The following DYNC2H1 variants were observed in gnomAD, a reference collection of about 807,000 sequenced individuals.
DYNC2H1 encodes dynein cytoplasmic 2 heavy chain 1, also known as cytoplasmic dynein 2 heavy chain 1.
Under a neutral mutation model 570.0 loss-of-function variants are expected in DYNC2H1, and 410 were observed. That is an observed-to-expected ratio of 0.72 (90% CI 0.66 to 0.78). The LOEUF (loss-of-function observed/expected upper bound fraction) is 0.78. Among genes scored for constraint, DYNC2H1 ranks in the 30% least tolerant of loss-of-function variants. The pLI, the probability that DYNC2H1 is intolerant of heterozygous loss-of-function variation, is 0.00. For synonymous variants in DYNC2H1, 1,688 were observed against 1,677.6 expected, an observed-to-expected ratio of 1.01 and a Z score of -0.15; for missense variants, 4,865 against 5,046.4, an observed-to-expected ratio of 0.96 and a Z score of 1.09.
chr11:103,237,877 G>A (rs904428872), intron 63 of DYNC2H1, among the ~76,000 whole-genome samples: 1 of 151,970 alleles, frequency 6.6e-6, no homozygotes, highest in African/African-American at 2.4e-5. Flanking sequence ...ATTCTGAATT[G>A]TCTTTCATGA....
chr11:103,358,791 G>A (rs1940489554), intron 83 of DYNC2H1, among the ~76,000 whole-genome samples: 1 of 151,924 alleles, frequency 6.6e-6, no homozygotes, highest in Admixed American at 6.6e-5. Context: ...GTACAACCAT[G>A]TAGGTATTCA....
intron 84 of DYNC2H1, chr11:103,404,400 G>C (rs1164438216): frequency 6.6e-6 from 1 of 151,164 alleles, no homozygotes; most frequent in African/African-American, 2.4e-5. Flanking sequence ...TTGTTCAGTT[G>C]TTAGAACTTT....
chr11:103,317,918 A>G (rs925991905), intron 80 of DYNC2H1, among the ~76,000 whole-genome samples: 1 of 151,994 alleles, frequency 6.6e-6, no homozygotes, highest in Non-Finnish European at 1.5e-5. Flanking sequence ...TTCTCTTCCC[A>G]CTAGAGCATT....
intron 85 of DYNC2H1, among the ~76,000 whole-genome samples, chr11:103,444,133 C>A (rs1012208679): frequency 6.8e-6 from 1 of 146,888 alleles, no homozygotes; most frequent in Non-Finnish European, 1.5e-5. Context: ...ATGTTTCCAG[C>A]TTTTTAATAT....
At chr11:103,142,890 C>A (rs1161734625) in intron 17 of DYNC2H1, among the ~76,000 whole-genome samples, 2 of 152,192 alleles carry the variant, frequency 1.3e-5, no homozygotes, top group African/African-American at 4.8e-5. Context: ...AGTTTCTTAA[C>A]TGCCACTGCA....
chr11:103,286,435 T>C, intron 74 of DYNC2H1, 49 bp downstream of exon 74: 1 of 1,586,084 alleles, frequency 6.3e-7, no homozygotes, highest in Non-Finnish European at 8.6e-7. Context: ...ATGTTTCTCT[T>C]ATTATTCAGA....
chr11:103,335,530 G>T (rs1469707117), intron 82 of DYNC2H1, among the ~76,000 whole-genome samples: 1 of 151,868 alleles, frequency 6.6e-6, no homozygotes, highest in Non-Finnish European at 1.5e-5. Context: ...TTTGAGAATT[G>T]TTTTTTTAAA....
At chr11:103,148,983 G>T (rs907406869) in intron 20 of DYNC2H1, among the ~76,000 whole-genome samples, 1 of 152,110 alleles carries the variant, frequency 6.6e-6, no homozygotes, top group Non-Finnish European at 1.5e-5. Context: ...CTTGAACCTG[G>T]GAGGCAAAGG....
intron 75 of DYNC2H1, among the ~76,000 whole-genome samples, chr11:103,297,935 C>T (rs972828297): frequency 6.6e-6 from 1 of 152,104 alleles, no homozygotes; most frequent in African/African-American, 2.4e-5. Flanking sequence ...TTAGGACTTT[C>T]TACCACTTTG....
intron 74 of DYNC2H1, among the ~76,000 whole-genome samples, chr11:103,286,689 T>C (rs1866363745): frequency 1.3e-5 from 2 of 152,062 alleles, no homozygotes; most frequent in Admixed American, 6.6e-5. Flanking sequence ...TTTACAATCA[T>C]TTCCCAGAGT....
intron 5 of DYNC2H1, 83 bp downstream of exon 5, chr11:103,116,797 A>AGG: frequency 1.5e-6 from 2 of 1,302,652 alleles, no homozygotes; most frequent in Non-Finnish European, 2.1e-6. Flanking sequence ...CCTTACTTAA[A>AGG]ATGCTCCTTT....
intron 25 of DYNC2H1, 115 bp downstream of exon 25, chr11:103,155,616 C>A: frequency 4.9e-6 from 5 of 1,015,438 alleles, no homozygotes; most frequent in South Asian, 4.4e-5. Context: ...CAGCTTTCAT[C>A]AAAAAGTAAA....
intron 39 of DYNC2H1, among the ~76,000 whole-genome samples, chr11:103,180,552 T>A (rs1861808889): frequency 6.6e-6 from 1 of 151,684 alleles, no homozygotes; most frequent in African/African-American, 2.4e-5. Context: ...CATATTAACT[T>A]TTTTTGTTGC....
Position 103,121,397 on chromosome 11 carries a change from G to A in DYNC2H1, c.1386G>A (p.Arg462=), listed in dbSNP as rs1194049418. ...ATTTTCGATTAGACTTTGAGAATCG[G>A]TGCCGAGGAATTCCTGGTGATGCAT... ...IKDFRLDFEN[R]CRGIPGDASG... Residue 462 remains arginine, a synonymous_variant, in exon 10 of 89, where the codon CGG becomes CGA. Transcript: ENST00000375735. The A allele has an allele frequency of 1.2e-6, 2 of 1,611,928 alleles. No homozygotes were observed. The highest frequency in any genetic ancestry group is 8.5e-7 in the Non-Finnish European group (1 of 1,179,040).
chr11:103,425,113 T>C (rs1943620276), intron 84 of DYNC2H1, among the ~76,000 whole-genome samples: 1 of 152,106 alleles, frequency 6.6e-6, no homozygotes, highest in African/African-American at 2.4e-5. Flanking sequence ...TTTTTTTATT[T>C]TCTGTAGAGA....
At chr11:103,355,722 A>G (rs1940303572) in intron 82 of DYNC2H1, among the ~76,000 whole-genome samples, 1 of 151,964 alleles carries the variant, frequency 6.6e-6, no homozygotes, top group African/African-American at 2.4e-5. Flanking sequence ...ATTATTTTTT[A>G]TTTTTTAGAG....
Position 103,245,377 on chromosome 11 carries a change from AAAT to A in DYNC2H1, c.10042+7_10042+9del. ...GAGACGAGATCTGGTTGCTCAAGGT[AAAT>A]AATTGACACTTTCCAGAGTGTAAAT... On this transcript the variant is annotated splice_donor_5th_base_variant and intron_variant, in intron 65 of 88. Transcript: ENST00000375735. The surrounding 1 kb of genome is among the most constrained non-coding windows in gnomAD (Gnocchi z 4.5). 6.3e-7 allele frequency: 1 copy of A among 1,579,684 alleles called. No individual in the cohort carries two copies. The highest frequency in any genetic ancestry group is 8.6e-7 in the Non-Finnish European group (1 of 1,163,324).
At chr11:103,194,514 T>C (rs372814461) in intron 47 of DYNC2H1, among the ~76,000 whole-genome samples, 2 of 152,192 alleles carry the variant, frequency 1.3e-5, no homozygotes, top group Admixed American at 6.5e-5. Flanking sequence ...ATAGCGGTAT[T>C]GTTCCTCATC....
intron 83 of DYNC2H1, among the ~76,000 whole-genome samples, chr11:103,361,398 T>C (rs777641183): frequency 2.0e-5 from 3 of 152,218 alleles, no homozygotes; most frequent in Non-Finnish European, 4.4e-5. Context: ...CTTAGACTTC[T>C]CATACTCCAG....
Sources: gnomAD v4.1 joint callset for allele counts (sites outside exome capture counted in the v4.1 genomes callset) on GRCh38, gnomAD v4.1.1 for gene constraint, Gnocchi (gnomAD v3.1) non-coding constraint, MANE v1.5 for transcripts, NCBI Gene and HGNC (gene_info 2026-07-23, HGNC 2026-07-21) for gene names.